PCDHGB2: variants seen among roughly 807,000 people sequenced by gnomAD.
The protein encoded by PCDHGB2 is protocadherin gamma-B2.
Under a neutral mutation model 59.3 loss-of-function variants are expected in PCDHGB2, and 55 were observed. The observed-to-expected ratio is 0.93, with a 90% CI of 0.75 to 1.16. The LOEUF is 1.16. Among genes scored for constraint, PCDHGB2 ranks in the 50% most tolerant of loss-of-function variants. The pLI, the probability that PCDHGB2 is intolerant of heterozygous loss-of-function variation, is 0.00. For missense variants in PCDHGB2, 1,228 were observed against 1,198.5 expected, an observed-to-expected ratio of 1.02 and a Z score of -0.36; for synonymous variants, 516 against 512.0, an observed-to-expected ratio of 1.01 and a Z score of -0.11.
chr5:141,498,726 G>T (rs2099785379), intron 2 of PCDHGB2, among the ~76,000 whole-genome samples: 1 of 152,172 alleles, frequency 6.6e-6, no homozygotes, highest in Admixed American at 6.5e-5. Context: ...GAGGTCAGGA[G>T]TTTGAGACCA....
At chr5:141,374,252 C>T in intron 1 of PCDHGB2, 6 of 1,613,982 alleles carry the variant, frequency 3.7e-6, no homozygotes, top group Non-Finnish European at 5.1e-6. Context: ...ACTGGAGCCC[C>T]AGGAGTTGGC....
At chr5:141,459,215 G>C (rs2098963353) in intron 1 of PCDHGB2, among the ~76,000 whole-genome samples, 1 of 152,112 alleles carries the variant, frequency 6.6e-6, no homozygotes, top group South Asian at 2.1e-4. Flanking sequence ...TACTTCTCCA[G>C]CTCCAGGCAA....
chr5:141,362,642 T>A, intron 1 of PCDHGB2, 86 bp downstream of exon 1: 1 of 1,462,416 alleles, frequency 6.8e-7, no homozygotes, highest in African/African-American at 1.4e-5. Context: ...TTTCTTTGTC[T>A]GTGAGTTAGA....
At chr5:141,370,214 C>A (rs988145754) in intron 1 of PCDHGB2, 8 of 565,608 alleles carry the variant, frequency 1.4e-5, no homozygotes, top group Non-Finnish European at 2.1e-5. Flanking sequence ...ATTGGCTCCT[C>A]CCGCTGCAGC....
chr5:141,431,440 C>T lies in PCDHGB2; in HGVS notation c.2422-63367C>T. ...ACCCGGTGCGCACAGGCACCGCGCG[C>T]ATCCGCGTGATGGTTCTGGATGCGA... is the stretch of plus-strand genomic sequence containing the variant. On this transcript the variant is annotated intron_variant, in intron 1 of 3. Transcript: ENST00000522605. The surrounding 1 kb of genome is among the most constrained non-coding windows in gnomAD (Gnocchi z 4.8). 6.2e-7 allele frequency: 1 copy of T among 1,613,754 alleles called. No homozygotes were observed.
chr5:141,399,012 A>G (rs767195686), intron 1 of PCDHGB2: 7 of 1,613,946 alleles, frequency 4.3e-6, no homozygotes, highest in Admixed American at 3.3e-5. Context: ...CAAAGAGCGG[A>G]GAAATTACCA....
chr5:141,498,971 G>GGGAAGGAAGGAAGGAAGGAAGGAA (rs201769957), intron 2 of PCDHGB2, among the ~76,000 whole-genome samples: 2 of 110,972 alleles, frequency 1.8e-5, no homozygotes, highest in African/African-American at 3.6e-5. Context: ...GAGGGAGGGA[G>GGGAAGGAAGGAAGGAAGGAAGGAA]GGAAGGAAGG....
intron 1 of PCDHGB2, chr5:141,416,205 A>T (rs1239154825): frequency 1.3e-5 from 2 of 152,458 alleles, no homozygotes; most frequent in Non-Finnish European, 2.9e-5. Context: ...CAATTTATTT[A>T]TAACAATGTA....
At chr5:141,403,365 T>C in intron 1 of PCDHGB2, 1 of 1,614,024 alleles carries the variant, frequency 6.2e-7, no homozygotes, top group Non-Finnish European at 8.5e-7. Flanking sequence ...GCCGAAAGTC[T>C]GGAAGTAAAA....
rs774745752 is a variant in PCDHGB2, at chr5:141,360,510, T to G, written c.375T>G (p.Asp125Glu). ...TCTACATAGCAGTAATTGTGCAGGATATAAATGATAATACCCCGCTATTCA... is the reference window on the plus strand; with the variant it reads ...TCTACATAGCAGTAATTGTGCAGGAGATAAATGATAATACCCCGCTATTCA... ...NIFYIAVIVQ[D>E]INDNTPLFKQ... Residue 125 changes from aspartate (D) to glutamate (E), a missense_variant, in exon 1 of 4, where the codon GAT becomes GAG. Around this residue, in one of 3 missense-constraint regions of PCDHGB2, gnomAD observed 781 missense variants for 721.6 expected, o/e 1.08. Transcript: ENST00000522605. 3 of 1,613,972 alleles carry G rather than the reference T, an allele frequency of 1.9e-6. No individual in the cohort carries two copies. The South Asian group carries it at 3.3e-5, about 18-fold the overall frequency.
chr5:141,365,803 G>C, intron 1 of PCDHGB2: 6 of 1,613,862 alleles, frequency 3.7e-6, no homozygotes, highest in South Asian at 1.1e-5. Flanking sequence ...CCTACTCCCT[G>C]GCTGAAGACA....
intron 1 of PCDHGB2, among the ~76,000 whole-genome samples, chr5:141,445,156 GT>G (rs1248104914): frequency 6.6e-6 from 1 of 152,018 alleles, no homozygotes; most frequent in Non-Finnish European, 1.5e-5. Flanking sequence ...TTCATTTCTA[GT>G]TTACAGAAAA....
chr5:141,511,358 G>T lies in PCDHGB2; in HGVS notation c.*185G>T, dbSNP rs905197337. 1.5e-6 allele frequency: 2 copies of T among 1,355,398 alleles called. No homozygotes were observed. Among genetic ancestry groups the T allele is most frequent in the East Asian group, 2.5e-5 (1 of 39,588 alleles). The allele number at this position is 1,355,398 out of a possible 1,614,324, so 84.0% of individuals were successfully genotyped here. ...GCACCTACCCCTTCCCCCCCAGGGGGTTGAATATGCAAAAGCAGTTCCGCT... is the reference window on the plus strand; with the variant it reads ...GCACCTACCCCTTCCCCCCCAGGGGTTTGAATATGCAAAAGCAGTTCCGCT... On this transcript the variant is annotated 3_prime_UTR_variant, in exon 4 of 4. Coordinates refer to ENST00000522605, the MANE Select transcript of PCDHGB2 (RefSeq NM_018923.3).
rs755409676 is a variant in PCDHGB2 at position 141,383,729 on chromosome 5, T to C, written c.2421+21173T>C. 7 of 1,613,984 alleles carry C rather than the reference T, an allele frequency of 4.3e-6. No homozygotes were observed. In the South Asian group the frequency reaches 6.6e-5, roughly 15 times the overall value. ...CTGGACGAGGGAGTCAATGGGGAAG[T>C]GACATATTCTTTTCGGAAAATAACT... On this transcript the variant is annotated intron_variant, in intron 1 of 3. Transcript: ENST00000522605.
chr5:141,421,749 C>T, intron 1 of PCDHGB2: 1 of 1,613,918 alleles, frequency 6.2e-7, no homozygotes, highest in Non-Finnish European at 8.5e-7. Flanking sequence ...ACCAGCTCAG[C>T]CCTAATAATT....
At chr5:141,372,155 G>C in intron 1 of PCDHGB2, 1 of 1,613,796 alleles carries the variant, frequency 6.2e-7, no homozygotes, top group Non-Finnish European at 8.5e-7. Flanking sequence ...CTGGCTACCT[G>C]GTGACCAAGG....
chr5:141,361,805 A>G lies in PCDHGB2; in HGVS notation c.1670A>G (p.Asp557Gly). The G allele has an allele frequency of 6.2e-7, 1 of 1,613,138 alleles. No individual in the cohort carries two copies. Among genetic ancestry groups the G allele is most frequent in the Non-Finnish European group, 8.5e-7 (1 of 1,179,724 alleles). ...SLRVLVGDLN[D>G]NAPRVLYPAL... is the part of the protein sequence containing the mutation. ...CGCGTGTTAGTGGGCGACCTCAATG[A>G]CAATGCGCCACGGGTGCTGTACCCC... is the stretch of plus-strand genomic sequence containing the variant. Residue 557 changes from aspartate (D) to glycine (G), a missense_variant, in exon 1 of 4, where the codon GAC (aspartate) becomes GGC (glycine). This residue lies in a region of PCDHGB2 where 781 missense variants were observed against 721.6 expected (regional missense o/e 1.08). Transcript: ENST00000522605.
chr5:141,375,296 G>A lies in PCDHGB2; in HGVS notation c.2421+12740G>A, dbSNP rs1771320516. ...ATCAGTTGGCAATTATTATCGATTA[G>A]TGACAAATGCAGCTCTAGACCGGGA... On this transcript the variant is annotated intron_variant, in intron 1 of 3. Transcript: ENST00000522605. 5 of 1,613,828 alleles carry A rather than the reference G, an allele frequency of 3.1e-6. No homozygotes were observed. The South Asian group carries it at 4.4e-5, about 14-fold the overall frequency.
intron 1 of PCDHGB2, chr5:141,424,513 T>C (rs1339689551): frequency 6.6e-6 from 1 of 152,224 alleles, no homozygotes; most frequent in Non-Finnish European, 1.5e-5. Context: ...GGTTTTTTAA[T>C]GTAGTAAATC....
Sources: allele counts gnomAD v4.1 joint callset (sites outside exome capture counted in the v4.1 genomes callset), GRCh38; gene constraint gnomAD v4.1.1; regional missense constraint gnomAD v4.1.1; non-coding constraint Gnocchi (gnomAD v3.1); transcripts MANE v1.5; gene names NCBI Gene and HGNC (gene_info 2026-07-23, HGNC 2026-07-21).